ETV6: variants seen among roughly 807,000 people sequenced by gnomAD.
The protein encoded by ETV6 is transcription factor ETV6.
In ETV6, 16 loss-of-function variants were observed where a neutral mutation model predicts 51.1. The ratio of observed to expected loss-of-function variants is 0.31; its 90% CI spans 0.21 to 0.48. The LOEUF is 0.48. ETV6 is among the 20% of genes least tolerant of loss of function. The probability of loss-of-function intolerance (pLI) is 0.99; values close to 1 mark genes in which losing one functional copy is unlikely to be tolerated. For missense variants in ETV6, 458 were observed against 594.8 expected (o/e 0.77, Z 2.39); for synonymous variants, 240 against 224.1 (o/e 1.07, Z -0.64).
intron 1 of ETV6, among the ~76,000 whole-genome samples, chr12:11,737,386 A>G (rs1310103099): frequency 6.6e-6 from 1 of 152,228 alleles, no homozygotes; most frequent in Non-Finnish European, 1.5e-5. Context: ...ATGCAACTAA[A>G]AAGTGTTTAT....
rs1175460426 is a variant in ETV6, at chr12:11,752,595, C to G, written c.163+16C>G. 1 of 1,605,998 alleles carries G rather than the reference C, an allele frequency of 6.2e-7. No individual in the cohort carries two copies. Among genetic ancestry groups the G allele is most frequent in the Non-Finnish European group, 8.5e-7 (1 of 1,177,032 alleles). The stretch of plus-strand genomic sequence containing the variant: ...GCGCACCTGCGTGAGTGTTCGTGAC[C>G]CGAGAGGGACAGAGGATTGATGGCG... On this transcript the variant is annotated intron_variant, in intron 2 of 7. Coordinates refer to ENST00000396373, the MANE Select transcript of ETV6 (RefSeq NM_001987.5).
intron 1 of ETV6, among the ~76,000 whole-genome samples, chr12:11,662,039 C>T (rs1204164818): frequency 6.6e-6 from 1 of 152,124 alleles, no homozygotes; most frequent in East Asian, 1.9e-4. Flanking sequence ...GCAAAAGGAC[C>T]TCGGTGTTAG....
At chr12:11,728,844 T>C (rs1292609599) in intron 1 of ETV6, among the ~76,000 whole-genome samples, 2 of 152,244 alleles carry the variant, frequency 1.3e-5, no homozygotes, top group Admixed American at 1.3e-4. Context: ...TTTTTCTAAT[T>C]GAGCCTTTTT....
At chr12:11,670,238 G>A (rs1395703999) in intron 1 of ETV6, among the ~76,000 whole-genome samples, 1 of 152,164 alleles carries the variant, frequency 6.6e-6, no homozygotes, top group Admixed American at 6.5e-5. Flanking sequence ...TAGATTTTGG[G>A]CAGCTTTTGA....
intron 2 of ETV6, among the ~76,000 whole-genome samples, chr12:11,785,137 G>A (rs750496641): frequency 2.6e-5 from 4 of 152,070 alleles, no homozygotes; most frequent in Non-Finnish European, 5.9e-5. Flanking sequence ...GAGAAAGGAG[G>A]GGGAAGTGTG....
At chr12:11,715,096 G>A (rs540288976) in intron 1 of ETV6, among the ~76,000 whole-genome samples, 2 of 152,148 alleles carry the variant, frequency 1.3e-5, no homozygotes, top group Non-Finnish European at 2.9e-5. Context: ...TGTCTTTTTT[G>A]TTTAACCGAA....
intron 1 of ETV6, among the ~76,000 whole-genome samples, chr12:11,739,535 A>G (rs1865769708): frequency 1.3e-5 from 2 of 152,212 alleles, no homozygotes; most frequent in African/African-American, 4.8e-5. Context: ...ATGTGAATTT[A>G]CCTTTTCAAC....
chr12:11,663,089 G>A (rs1864129669), intron 1 of ETV6, among the ~76,000 whole-genome samples: 1 of 152,232 alleles, frequency 6.6e-6, no homozygotes, highest in Non-Finnish European at 1.5e-5. Context: ...GGCACAAATG[G>A]CAGGCTTTAG....
intron 1 of ETV6, among the ~76,000 whole-genome samples, chr12:11,731,798 C>A (rs1390929932): frequency 6.6e-6 from 1 of 152,174 alleles, no homozygotes; most frequent in Non-Finnish European, 1.5e-5. Flanking sequence ...ATGTTAACTA[C>A]CATTTAGCTG....
At chr12:11,759,916 A>G (rs1945060024) in intron 2 of ETV6, among the ~76,000 whole-genome samples, 1 of 152,238 alleles carries the variant, frequency 6.6e-6, no homozygotes, top group African/African-American at 2.4e-5. Flanking sequence ...TGTGTGAGTT[A>G]CACCACATTA....
chr12:11,804,070 A>AT (rs1264409858), intron 2 of ETV6, among the ~76,000 whole-genome samples: 5 of 152,026 alleles, frequency 3.3e-5, no homozygotes, highest in South Asian at 2.1e-4. Context: ...AGTTTTTTCT[A>AT]TTTTTTTGCT....
intron 1 of ETV6, among the ~76,000 whole-genome samples, chr12:11,671,501 A>G (rs1485312212): frequency 6.6e-6 from 1 of 152,250 alleles, no homozygotes; most frequent in Non-Finnish European, 1.5e-5. Flanking sequence ...TGTTTCTAGT[A>G]TAAAGGAAAG....
intron 1 of ETV6, among the ~76,000 whole-genome samples, chr12:11,720,543 T>C (rs1865363187): frequency 6.6e-6 from 1 of 152,218 alleles, no homozygotes; most frequent in Non-Finnish European, 1.5e-5. Flanking sequence ...AGAATGAAAC[T>C]GAACCCTTAC....
chr12:11,735,490 C>CT (rs1349731072), intron 1 of ETV6, among the ~76,000 whole-genome samples: 2 of 152,216 alleles, frequency 1.3e-5, no homozygotes, highest in Non-Finnish European at 2.9e-5. Context: ...AAACAAACTA[C>CT]TTAATTGAAC....
At chr12:11,682,141 C>T (rs11612329) in intron 1 of ETV6, among the ~76,000 whole-genome samples, 20 of 152,170 alleles carry the variant, frequency 1.3e-4, no homozygotes, top group Non-Finnish European at 1.9e-4. Flanking sequence ...TGAGGAATCG[C>T]CGCACTGTCC....
At chr12:11,848,752 A>G (rs1425159026) in intron 3 of ETV6, among the ~76,000 whole-genome samples, 1 of 152,250 alleles carries the variant, frequency 6.6e-6, no homozygotes, top group Non-Finnish European at 1.5e-5. Flanking sequence ...GAAGCTCACT[A>G]GCTTCATGGT....
chr12:11,769,790 G>T (rs548789259), intron 2 of ETV6, among the ~76,000 whole-genome samples: 1 of 152,188 alleles, frequency 6.6e-6, no homozygotes, highest in Admixed American at 6.5e-5. Flanking sequence ...ACATTGAGGG[G>T]TTGATTATTT....
chr12:11,678,654 T>C (rs1309337124), intron 1 of ETV6, among the ~76,000 whole-genome samples: 2 of 152,332 alleles, frequency 1.3e-5, no homozygotes, highest in Non-Finnish European at 1.5e-5. Flanking sequence ...ATTTATTTAT[T>C]ATGAGAAATT....
At chr12:11,731,089 G>C (rs1487830038) in intron 1 of ETV6, among the ~76,000 whole-genome samples, 1 of 152,166 alleles carries the variant, frequency 6.6e-6, no homozygotes, top group Non-Finnish European at 1.5e-5. Context: ...AGTGCTGCTG[G>C]GGAGAAATGA....
Sources: gnomAD v4.1 joint callset for allele counts (sites outside exome capture counted in the v4.1 genomes callset) on GRCh38, gnomAD v4.1.1 for gene constraint, MANE v1.5 for transcripts, NCBI Gene and HGNC (gene_info 2026-07-23, HGNC 2026-07-21) for gene names.